Variants in FAM186A observed in about 807,000 individuals in gnomAD.
FAM186A encodes family with sequence similarity 186 member A.
A neutral mutation model predicts 216.8 loss-of-function variants in FAM186A; 163 were observed. The ratio of observed to expected loss-of-function variants is 0.75; its 90% CI spans 0.66 to 0.86. The LOEUF (loss-of-function observed/expected upper bound fraction) is 0.86. Among genes scored for constraint, FAM186A ranks in the 40% least tolerant of loss-of-function variants. The probability of loss-of-function intolerance (pLI) is 0.00; values close to 1 mark genes in which losing one functional copy is unlikely to be tolerated. For missense variants in FAM186A, 2,184 were observed against 2,746.2 expected (o/e 0.80, Z 4.58); for synonymous variants, 805 against 1,025.3 (o/e 0.79, Z 4.10).
chr12:50,348,445 A>T (rs1390691764), intron 4 of FAM186A, among the ~76,000 whole-genome samples: 2 of 151,694 alleles, frequency 1.3e-5, no homozygotes, highest in Non-Finnish European at 2.9e-5. Context: ...GTGGTCTCGA[A>T]CTCCTGACCT....
chr12:50,363,386 A>G lies in FAM186A; in HGVS notation c.193-22T>C. 3 of 1,528,938 alleles carry G rather than the reference A, an allele frequency of 2.0e-6. 1 individual carries two copies. Among genetic ancestry groups the G allele is most frequent in the South Asian group, 1.2e-5 (1 of 83,244 alleles). 94.7% of individuals were successfully genotyped at this position (1,528,938 alleles called of 1,614,324 possible). ...TGTCCTGTCAGAATAAGAAGGGGGC[A>G]TGTATTAATCTTCAGTTTGAAAAGA... On this transcript the variant is annotated intron_variant, in intron 1 of 7. Transcript: ENST00000327337.
At position 50,372,118 on chromosome 12, in the gene FAM186A, AT is replaced by A. The variant is rs576263398; in HGVS notation, c.193-8755del. Among the ~76,000 whole-genome samples the A allele has an allele frequency of 2.3e-3, 344 of 150,326 alleles. 2 individuals carry two copies. The highest frequency in any genetic ancestry group is 6.9e-3 in the Middle Eastern group (2 of 288). ...TGAGCCATCGTGGCTGGCCCAATTA[AT>A]TTTTTTTTTAATTTAAAAAGGAATA... is the stretch of plus-strand genomic sequence containing the variant. On this transcript the variant is annotated intron_variant, in intron 1 of 7. Coordinates refer to ENST00000327337, the MANE Select transcript of FAM186A (RefSeq NM_001145475.3).
At chr12:50,342,160 C>T (rs988812807) in intron 4 of FAM186A, among the ~76,000 whole-genome samples, 2 of 151,210 alleles carry the variant, frequency 1.3e-5, no homozygotes, top group Non-Finnish European at 1.5e-5. Context: ...CCAGGCATGG[C>T]GGCGGCGTGC....
chr12:50,366,452 A>G (rs573434485), intron 1 of FAM186A, among the ~76,000 whole-genome samples: 2 of 152,230 alleles, frequency 1.3e-5, no homozygotes, highest in African/African-American at 4.8e-5. Flanking sequence ...ACTAAATACA[A>G]ACATGCCTGA....
rs962543491 is a variant in FAM186A, at chr12:50,331,770, C to T, written c.6748G>A (p.Glu2250Lys). The T allele has an allele frequency of 5.2e-6, 8 of 1,548,940 alleles. No homozygotes were observed. Among genetic ancestry groups the T allele is most frequent in the East Asian group, 2.4e-5 (1 of 40,864 alleles). ...GTAGAGGCAGGTATCTGCTTTTCTT[C>T]GATGATTAAGGGGATAGGTTGACTA... is the stretch of plus-strand genomic sequence containing the variant. The part of the protein sequence containing the change: ...NLSQPIPLII[E>K]EKQIPASTTF... The change falls in exon 6 of 8, where the codon GAA (glutamate) becomes AAA (lysine). Residue 2250 changes from glutamate (E) to lysine (K), a missense_variant. Physicochemically the swap from Glu to Lys is moderately conservative, Grantham distance 56 (BLOSUM62 1). This residue lies in a region of FAM186A where 721 missense variants were observed against 816.4 expected (regional missense o/e 0.88). Coordinates refer to ENST00000327337, the MANE Select transcript of FAM186A (RefSeq NM_001145475.3).
At chr12:50,390,645 T>C (rs1943348530) in intron 1 of FAM186A, among the ~76,000 whole-genome samples, 1 of 152,130 alleles carries the variant, frequency 6.6e-6, no homozygotes, top group African/African-American at 2.4e-5. Context: ...GTGCCACTAC[T>C]GGGTCCCAGT....
intron 1 of FAM186A, among the ~76,000 whole-genome samples, chr12:50,395,705 A>G (rs950238647): frequency 1.3e-5 from 2 of 152,188 alleles, no homozygotes; most frequent in Admixed American, 6.5e-5. Context: ...ATTCAAAGCC[A>G]TCTAAATTCT....
Position 50,353,168 on chromosome 12 carries a change from G to C in FAM186A, c.3664C>G (p.Gln1222Glu). Residue 1222 changes from glutamine to glutamate, a missense_variant, in exon 4 of 8, where the codon CAG becomes GAG. Gln to Glu is a conservative substitution (Grantham distance 29). This residue lies in a region of FAM186A where 267 missense variants were observed against 446.2 expected (regional missense o/e 0.60). Coordinates refer to ENST00000327337, the MANE Select transcript of FAM186A (RefSeq NM_001145475.3). ...AQELGIPLTP[Q>E]QAQALGITLT... is the part of the protein sequence containing the mutation. The stretch of plus-strand genomic sequence containing the variant: ...GTGATCCCCAGGGCCTGGGCCTGCT[G>C]AGGGGTGAGAGGGATCCCCAATTCC... The C allele has an allele frequency of 1.3e-6, 2 of 1,484,534 alleles. No individual in the cohort carries two copies. The highest frequency in any genetic ancestry group is 2.5e-5 in the South Asian group (2 of 78,998). 92.0% of individuals were successfully genotyped at this position (1,484,534 alleles called of 1,614,324 possible). A position where few individuals can be genotyped will look rare whatever the true frequency, so the allele number is the denominator to read the frequency against.
In FAM186A at chr12:50,352,309, A is replaced by T. The variant is rs775276140; in HGVS notation, c.4523T>A (p.Ile1508Asn). Residue 1508 changes from isoleucine to asparagine, a missense_variant, in exon 4 of 8, where the codon ATC (isoleucine) becomes AAC (asparagine). Transcript: ENST00000327337. ...CCCCAATTCCTGAGCCTGCGGAGGG[A>T]TGAGAAGGATCCCCAGGGCCTGGGC... ...QQAQALGILL[I>N]PPQAQELGIP... 6 of 73,446 alleles carry T rather than the reference A, an allele frequency of 8.2e-5. No individual in the cohort carries two copies. The highest frequency in any genetic ancestry group is 3.4e-4 in the Admixed American group (1 of 2,900). The allele number at this position is 73,446 out of a possible 1,614,324, so 4.5% of individuals were successfully genotyped here.
chr12:50,359,002 A>G (rs1007944547), intron 3 of FAM186A, among the ~76,000 whole-genome samples: 2 of 152,150 alleles, frequency 1.3e-5, no homozygotes, highest in African/African-American at 2.4e-5. Flanking sequence ...AATGTATGGA[A>G]ATAGCTTAAT....
In FAM186A at chr12:50,327,375, T is replaced by C. The variant is rs184058749; in HGVS notation, c.*8A>G. 5,328 of 1,545,006 alleles carry C rather than the reference T, an allele frequency of 3.4e-3. 18 individuals are homozygous for C. The highest frequency in any genetic ancestry group is 6.4e-3 in the Middle Eastern group (37 of 5,826). On this transcript the variant is annotated 3_prime_UTR_variant, in exon 8 of 8. Coordinates refer to ENST00000327337, the MANE Select transcript of FAM186A (RefSeq NM_001145475.3). ...GTACTTTCAACATGCTTGTATTTAA[T>C]TTTACAGTCATTTGGGAATCTTCTT...
intron 1 of FAM186A, among the ~76,000 whole-genome samples, chr12:50,388,069 A>G (rs1943320231): frequency 1.3e-5 from 2 of 152,230 alleles, no homozygotes; most frequent in Middle Eastern, 3.4e-3. Flanking sequence ...GTTTGATTAC[A>G]TAGTTATGGT....
chr12:50,387,556 G>A (rs58696531), intron 1 of FAM186A, among the ~76,000 whole-genome samples: 237 of 152,302 alleles, frequency 1.6e-3, no homozygotes, highest in African/African-American at 5.6e-3. Flanking sequence ...AGATTTTATA[G>A]TGTGGCTTGA....
Position 50,356,082 on chromosome 12 carries a change from G to T in FAM186A, c.750C>A (p.Phe250Leu). ...TAATAGCATTGTTTTCCAATGTACT[G>T]AACATTGTGGTGCCTATGAGTTCCT... ...MLQELIGTTM[F>L]STLENNAIKY... The change falls in exon 4 of 8, where the codon TTC (phenylalanine) becomes TTA (leucine). Residue 250 changes from phenylalanine (F) to leucine (L), a missense_variant. Around this residue, in one of 7 missense-constraint regions of FAM186A, gnomAD observed 1,132 missense variants for 1,263.4 expected, o/e 0.90. Transcript: ENST00000327337. The T allele has an allele frequency of 6.4e-7, 1 of 1,551,554 alleles. No individual in the cohort carries two copies. The highest frequency in any genetic ancestry group is 1.2e-5 in the South Asian group (1 of 84,032).
At chr12:50,330,932 C>T (rs891157649) in intron 6 of FAM186A, among the ~76,000 whole-genome samples, 174 bp from the exon 7 acceptor site, 6 of 152,144 alleles carry the variant, frequency 3.9e-5, no homozygotes, top group South Asian at 2.1e-4. Context: ...AAGCAGAATT[C>T]GCTGAGTTAC....
At position 50,396,384 on chromosome 12, in the gene FAM186A, C is replaced by T. The variant is rs931589273; in HGVS notation, c.101G>A (p.Ser34Asn). The T allele has an allele frequency of 6.4e-7, 1 of 1,551,460 alleles. No homozygotes were observed. The highest frequency in any genetic ancestry group is 1.4e-5 in the African/African-American group (1 of 73,006). The change falls in exon 1 of 8, where the codon AGT (serine) becomes AAT (asparagine). Residue 34 changes from serine (S) to asparagine (N), a missense_variant. This residue lies in a region of FAM186A where 1,132 missense variants were observed against 1,263.4 expected (regional missense o/e 0.90). Coordinates refer to ENST00000327337, the MANE Select transcript of FAM186A (RefSeq NM_001145475.3). ...IMRREPQNIL[S>N]PLMLPNLEIP... ...CTCAAGGTTAGGGAGCATCAAAGGA[C>T]TAAGGATATTTTGGGGCTCTCTTCT...
Position 50,354,371 on chromosome 12 carries a change from GTTT to G in FAM186A, c.2458_2460del (p.Lys820del). 6.4e-7 allele frequency: 1 copy of G among 1,551,492 alleles called. No individual in the cohort carries two copies. Among genetic ancestry groups the G allele is most frequent in the Non-Finnish European group, 8.7e-7 (1 of 1,146,988 alleles). On this transcript the variant is annotated inframe_deletion, in exon 4 of 8. Transcript: ENST00000327337. ...TCTTGCAAATATTGCTCCTGCCTTTGTTTTTCCTTCTCCTTGTGGTCTTTCTGT... is the reference window on the plus strand; with the variant it reads ...TCTTGCAAATATTGCTCCTGCCTTTGTTCCTTCTCCTTGTGGTCTTTCTGT...
At chr12:50,396,105 G>T (rs1289175312) in intron 1 of FAM186A, among the ~76,000 whole-genome samples, 188 bp downstream of exon 1, 1 of 152,204 alleles carries the variant, frequency 6.6e-6, no homozygotes, top group Non-Finnish European at 1.5e-5. Flanking sequence ...GATATAAAGA[G>T]ATTAATGTCA....
At chr12:50,361,058 T>A in intron 2 of FAM186A, 132 bp from the exon 3 acceptor site, 1 of 576,738 alleles carries the variant, frequency 1.7e-6, no homozygotes, top group Non-Finnish European at 2.7e-6. Flanking sequence ...CTTACTGCCA[T>A]TCTGAGGCTT....
Sources: gnomAD v4.1 joint callset for allele counts (sites outside exome capture counted in the v4.1 genomes callset) on GRCh38, gnomAD v4.1.1 for gene constraint, gnomAD v4.1.1 regional missense constraint, MANE v1.5 for transcripts, NCBI Gene and HGNC (gene_info 2026-07-23, HGNC 2026-07-21) for gene names.